PRKX: variants seen among roughly 807,000 people sequenced by gnomAD.
PRKX encodes protein kinase cAMP-dependent X-linked catalytic subunit.
In PRKX, 12 loss-of-function variants were observed where a neutral mutation model predicts 22.0. The observed-to-expected ratio is 0.54, with a 90% confidence interval of 0.35 to 0.88. The LOEUF is 0.88. Among genes scored for constraint, PRKX ranks in the 40% least tolerant of loss-of-function variants. The probability of loss-of-function intolerance (pLI) is 0.01; values close to 1 mark genes in which losing one functional copy is unlikely to be tolerated. For synonymous variants in PRKX, 134 were observed against 137.7 expected, an observed-to-expected ratio of 0.97 and a Z score of 0.19; for missense variants, 217 against 308.0, an observed-to-expected ratio of 0.70 and a Z score of 2.21.
At chrX:3,618,392 C>T (rs1238823626) in intron 6 of PRKX, among the ~76,000 whole-genome samples, 2 of 111,285 alleles carry the variant, frequency 1.8e-5, no homozygotes, top group African/African-American at 3.3e-5. Context: ...CCAAGGTGGG[C>T]GGATCACTTG....
At chrX:3,636,916 G>A (rs1457538117) in intron 4 of PRKX, among the ~76,000 whole-genome samples, 3 of 107,177 alleles carry the variant, frequency 2.8e-5, no homozygotes, top group African/African-American at 1.0e-4. Flanking sequence ...GTGACAGAGC[G>A]AGGCGGAACA....
intron 4 of PRKX, among the ~76,000 whole-genome samples, chrX:3,626,994 T>C (rs188673485): frequency 9.0e-6 from 1 of 111,234 alleles, no homozygotes; most frequent in Non-Finnish European, 1.9e-5. Context: ...AAAGAAGACA[T>C]GGAAAAGGCC....
intron 1 of PRKX, among the ~76,000 whole-genome samples, chrX:3,710,400 TTCTC>T (rs1247263821): frequency 1.8e-5 from 2 of 111,707 alleles, no homozygotes; most frequent in Non-Finnish European, 3.8e-5. Context: ...AAGTTTCTTT[TTCTC>T]TCTGTCGCCC....
In PRKX at chrX:3,617,123, TAC is replaced by T. The variant is rs747784464; in HGVS notation, c.874-1233_874-1232del. On this transcript the variant is annotated intron_variant, in intron 6 of 8. Transcript: ENST00000262848. ...TTATACACATATACACGTTAATATA[TAC>T]ACACATATATTTATATATACACATA... Among the ~76,000 whole-genome samples, 499 of 97,384 alleles carry T rather than the reference TAC, an allele frequency of 5.1e-3. 2 individuals carry two copies. The highest frequency in any genetic ancestry group is 8.5e-3 in the Non-Finnish European group (418 of 49,019). The allele number at this position is 97,384 out of a possible 115,157, so 84.6% of individuals were successfully genotyped here. A position where few individuals can be genotyped will look rare whatever the true frequency, so the allele number is the denominator to read the frequency against.
At chrX:3,619,970 T>C (rs1275645946) in intron 6 of PRKX, among the ~76,000 whole-genome samples, 1 of 111,732 alleles carries the variant, frequency 8.9e-6, no homozygotes, top group Non-Finnish European at 1.9e-5. Context: ...GTCCATGAAT[T>C]CTGTCAAATT....
intron 3 of PRKX, among the ~76,000 whole-genome samples, chrX:3,648,657 T>TGA (rs1555894794): frequency 2.3e-4 from 23 of 101,721 alleles, no homozygotes; most frequent in Non-Finnish European, 4.0e-4. Flanking sequence ...TGTGTGTGTG[T>TGA]GAAAGGGGTA....
chrX:3,702,769 C>A (rs1928603995), intron 1 of PRKX, among the ~76,000 whole-genome samples: 2 of 102,451 alleles, frequency 2.0e-5, no homozygotes, highest in Admixed American at 1.1e-4. Flanking sequence ...TCGCAGCTCA[C>A]TGAAGCCTCT....
At chrX:3,649,945 G>A (rs1231965689) in intron 3 of PRKX, among the ~76,000 whole-genome samples, 1 of 109,591 alleles carries the variant, frequency 9.1e-6, no homozygotes, top group Non-Finnish European at 1.9e-5. Flanking sequence ...TTCAAGACCA[G>A]CCCTGGCAAC....
At chrX:3,650,912 C>G (rs1054931416) in intron 3 of PRKX, among the ~76,000 whole-genome samples, 9 of 101,327 alleles carry the variant, frequency 8.9e-5, no homozygotes, top group Non-Finnish European at 1.8e-4. Context: ...AAAAATTATT[C>G]AAGATGAGGC....
chrX:3,627,935 C>T (rs1464092519), intron 4 of PRKX, among the ~76,000 whole-genome samples: 2 of 111,166 alleles, frequency 1.8e-5, no homozygotes, highest in East Asian at 2.8e-4. Flanking sequence ...GGAGAGACAT[C>T]GGCACGCCCA....
chrX:3,612,723 C>T (rs773664580), intron 7 of PRKX, among the ~76,000 whole-genome samples: 1 of 110,694 alleles, frequency 9.0e-6, no homozygotes, highest in East Asian at 2.9e-4. Flanking sequence ...GAGGTCGATA[C>T]TCCAAGTGAG....
intron 1 of PRKX, among the ~76,000 whole-genome samples, chrX:3,675,011 G>C (rs1927922678): frequency 8.9e-6 from 1 of 111,804 alleles, no homozygotes; most frequent in African/African-American, 3.3e-5. Context: ...GAGACAGAGA[G>C]AGCCATCTGC....
chrX:3,654,858 CT>C (rs1192053754), intron 3 of PRKX, among the ~76,000 whole-genome samples: 2 of 110,830 alleles, frequency 1.8e-5, no homozygotes, highest in African/African-American at 6.6e-5. Context: ...TTGGATATGA[CT>C]CATTTCCTCA....
chrX:3,676,824 G>A (rs746549433), intron 1 of PRKX, among the ~76,000 whole-genome samples: 96 of 111,317 alleles, frequency 8.6e-4, no homozygotes, highest in African/African-American at 3.1e-3. Flanking sequence ...TCCTGATAGT[G>A]AATAAGTCTC....
intron 1 of PRKX, among the ~76,000 whole-genome samples, chrX:3,702,919 C>T (rs12838603): frequency 0.039 from 4,293 of 110,057 alleles, 203 homozygotes; most frequent in African/African-American, 0.13. Flanking sequence ...TGGTCTCAAA[C>T]GTCTGGACTC....
intron 7 of PRKX, 117 bp downstream of exon 7, chrX:3,615,698 G>A: frequency 1.6e-6 from 1 of 617,692 alleles, no homozygotes; most frequent in Non-Finnish European, 2.6e-6. Context: ...ACAAATAGTT[G>A]TATTATATAA....
Position 3,681,411 on chromosome X carries a change from G to A in PRKX, c.167-6645C>T, listed in dbSNP as rs1004895173. On this transcript the variant is annotated intron_variant, in intron 1 of 8. Coordinates refer to ENST00000262848, the MANE Select transcript of PRKX (RefSeq NM_005044.5). The stretch of plus-strand genomic sequence containing the variant: ...TCACACCTGTAATCCCAGTGCTTTG[G>A]GAGGCCAACATGGGAGGATCGCTTG... Among the ~76,000 whole-genome samples, 13 of 109,423 alleles carry A rather than the reference G, an allele frequency of 1.2e-4. 1 individual carries two copies. Among genetic ancestry groups the A allele is most frequent in the African/African-American group, 4.0e-4 (12 of 30,087 alleles).
chrX:3,608,077 TCAC>T lies in PRKX; in HGVS notation c.*889_*891del, dbSNP rs1926220206. The T allele has an allele frequency of 1.8e-5, 2 of 108,727 alleles. No individual in the cohort carries two copies. Among genetic ancestry groups the T allele is most frequent in the Admixed American group, 2.0e-4 (2 of 10,010 alleles). The allele number at this position is 108,727 out of a possible 1,213,427, so 9.0% of individuals were successfully genotyped here. A position where few individuals can be genotyped will look rare whatever the true frequency, so the allele number is the denominator to read the frequency against. The stretch of plus-strand genomic sequence containing the variant: ...TTTTGTATTTTGTAGAGATGAGGTC[TCAC>T]CACGTTTCCCAGACTGGTCTCCAAC... On this transcript the variant is annotated 3_prime_UTR_variant, in exon 9 of 9. Transcript: ENST00000262848.
Position 3,713,256 on chromosome X carries a change from G to A in PRKX, c.-3C>T. On this transcript the variant is annotated 5_prime_UTR_variant, in exon 1 of 9. Transcript: ENST00000262848. ...TGGGCCAGCCCGGGCGCCTCCATGG[G>A]GACGCACTCAGGTCCGGGGCACCGG... The A allele has an allele frequency of 1.9e-6, 2 of 1,032,454 alleles. No homozygotes were observed. The highest frequency in any genetic ancestry group is 5.8e-5 in the South Asian group (2 of 34,685). 85.1% of individuals were successfully genotyped at this position (1,032,454 alleles called of 1,213,427 possible).
Sources: allele counts gnomAD v4.1 joint callset (sites outside exome capture counted in the v4.1 genomes callset), GRCh38; gene constraint gnomAD v4.1.1; transcripts MANE v1.5; gene names NCBI Gene and HGNC (gene_info 2026-07-23, HGNC 2026-07-21).